Variants in SLC25A12 observed in about 807,000 individuals in gnomAD.
SLC25A12 encodes the protein solute carrier family 25 member 12, also known as electrogenic aspartate/glutamate antiporter SLC25A12, mitochondrial.
SLC25A12 carries 32 observed loss-of-function variants against 83.3 expected under a neutral mutation model. The ratio of observed to expected loss-of-function variants is 0.38; its 90% CI spans 0.29 to 0.52. The LOEUF is 0.52. Among genes scored for constraint, SLC25A12 ranks in the 20% least tolerant of loss-of-function variants. SLC25A12 has a pLI of 0.84. For synonymous variants in SLC25A12, 267 were observed against 291.1 expected (o/e 0.92, Z 0.84); for missense variants, 611 against 835.6 (o/e 0.73, Z 3.31).
At chr2:171,874,206 A>G (rs1165337002) in intron 2 of SLC25A12, among the ~76,000 whole-genome samples, 1 of 152,166 alleles carries the variant, frequency 6.6e-6, no homozygotes, top group African/African-American at 2.4e-5. Flanking sequence ...AGCCTGGGAA[A>G]CAAGAGTAAA....
At chr2:171,856,672 G>C (rs1368571532) in intron 3 of SLC25A12, 1 of 151,916 alleles carries the variant, frequency 6.6e-6, no homozygotes, top group African/African-American at 2.4e-5. Context: ...GGCAAGCACA[G>C]GGAATCTCAA....
intron 4 of SLC25A12, among the ~76,000 whole-genome samples, chr2:171,853,116 G>A (rs971216584): frequency 1.3e-5 from 2 of 152,096 alleles, no homozygotes; most frequent in South Asian, 4.1e-4. Context: ...TCAGCCTCCC[G>A]AGGAGCTGAA....
chr2:171,784,130 C>T lies in SLC25A12; in HGVS notation c.*1144G>A, dbSNP rs1001342742. 6.6e-6 allele frequency among the ~76,000 whole-genome samples: 1 copy of T among 152,130 alleles called. No homozygotes were observed. The highest frequency in any genetic ancestry group is 1.5e-5 in the Non-Finnish European group (1 of 68,018). On this transcript the variant is annotated 3_prime_UTR_variant, in exon 18 of 18. Coordinates refer to ENST00000422440, the MANE Select transcript of SLC25A12 (RefSeq NM_003705.5). ...CGCCCTTGATGAGTGACTTTTAGAACAGTTTGCATTTGGATTCCAAAGTAA... is the reference window on the plus strand; with the variant it reads ...CGCCCTTGATGAGTGACTTTTAGAATAGTTTGCATTTGGATTCCAAAGTAA...
chr2:171,873,074 T>A (rs1341572401), intron 2 of SLC25A12, among the ~76,000 whole-genome samples: 1 of 152,212 alleles, frequency 6.6e-6, no homozygotes, highest in African/African-American at 2.4e-5. Flanking sequence ...ATCTGTGCTA[T>A]CCTTGATGGC....
chr2:171,885,597 G>A (rs543069789), intron 2 of SLC25A12, among the ~76,000 whole-genome samples: 131 of 152,126 alleles, frequency 8.6e-4, no homozygotes, highest in Non-Finnish European at 1.6e-3. Flanking sequence ...GCTTGAACCC[G>A]GGAGGCGGAG....
Position 171,893,643 on chromosome 2 carries a change from A to G in SLC25A12, c.13-385T>C, listed in dbSNP as rs570414286. Among the ~76,000 whole-genome samples, 7 of 152,332 alleles carry G rather than the reference A, an allele frequency of 4.6e-5. No homozygotes were observed. The South Asian group carries it at 1.4e-3, about 32-fold the overall frequency. On this transcript the variant is annotated intron_variant, in intron 1 of 17. Coordinates refer to ENST00000422440, the MANE Select transcript of SLC25A12 (RefSeq NM_003705.5). Reference sequence around the variant, plus strand: ...ATCACCCAAATTAATCACTTGGCCTAGCAGCCTTTCTCCATAAAAAGCAAA... The same window carrying G: ...ATCACCCAAATTAATCACTTGGCCTGGCAGCCTTTCTCCATAAAAAGCAAA...
intron 13 of SLC25A12, among the ~76,000 whole-genome samples, chr2:171,797,837 T>C (rs940456684): frequency 3.9e-5 from 6 of 152,222 alleles, no homozygotes; most frequent in Non-Finnish European, 7.4e-5. Flanking sequence ...TAAATGGACA[T>C]TGCTAAATTT....
At chr2:171,819,667 G>A (rs1301860512) in intron 9 of SLC25A12, among the ~76,000 whole-genome samples, 2 of 151,120 alleles carry the variant, frequency 1.3e-5, no homozygotes, top group African/African-American at 4.9e-5. Context: ...CTTTCTTTTT[G>A]AGAACAGACT....
At chr2:171,837,419 T>G (rs959600060) in intron 5 of SLC25A12, 152 bp from the exon 6 acceptor site, 2 of 813,038 alleles carry the variant, frequency 2.5e-6, no homozygotes, top group African/African-American at 1.7e-5. Flanking sequence ...AAACTTTTAA[T>G]TTCTTTCAAA....
At chr2:171,799,933 G>A (rs1318932846) in intron 13 of SLC25A12, among the ~76,000 whole-genome samples, 1 of 152,168 alleles carries the variant, frequency 6.6e-6, no homozygotes, top group Non-Finnish European at 1.5e-5. Flanking sequence ...AAGAGGTAAT[G>A]CAGTCAGCTA....
chr2:171,790,151 G>T (rs1347667139), intron 15 of SLC25A12, among the ~76,000 whole-genome samples: 1 of 152,176 alleles, frequency 6.6e-6, no homozygotes. Context: ...TCAGGCCCAA[G>T]GGCTCCTACC....
At chr2:171,796,120 A>AT (rs34056004) in intron 13 of SLC25A12, among the ~76,000 whole-genome samples, 1 of 152,026 alleles carries the variant, frequency 6.6e-6, no homozygotes, top group Non-Finnish European at 1.5e-5. Flanking sequence ...TAATTTTTGT[A>AT]TTTTTTGTAG....
At chr2:171,856,620 C>A (rs1190861426) in intron 3 of SLC25A12, 2 of 152,324 alleles carry the variant, frequency 1.3e-5, no homozygotes, top group African/African-American at 4.8e-5. Context: ...AGGGGCCATG[C>A]TAATCTCTGT....
intron 2 of SLC25A12, among the ~76,000 whole-genome samples, chr2:171,872,161 C>T (rs1685470793): frequency 6.6e-6 from 1 of 152,034 alleles, no homozygotes; most frequent in South Asian, 2.1e-4. Context: ...AGTCCCTAGA[C>T]AAGTTTATTG....
intron 2 of SLC25A12, among the ~76,000 whole-genome samples, chr2:171,890,756 T>C (rs1484597726): frequency 6.6e-6 from 1 of 152,164 alleles, no homozygotes; most frequent in African/African-American, 2.4e-5. Flanking sequence ...GTGCTGAGAT[T>C]ACAGGTGTGA....
chr2:171,801,760 G>A (rs563682388), intron 13 of SLC25A12, among the ~76,000 whole-genome samples: 2 of 152,266 alleles, frequency 1.3e-5, no homozygotes, highest in South Asian at 2.1e-4. Context: ...GCTAACATAA[G>A]TGTTCTGAGC....
At chr2:171,795,961 G>T (rs1477969833) in intron 13 of SLC25A12, among the ~76,000 whole-genome samples, 1 of 152,112 alleles carries the variant, frequency 6.6e-6, no homozygotes, top group Admixed American at 6.5e-5. Context: ...GTGTTTGTTT[G>T]TTTGAGACAG....
intron 9 of SLC25A12, among the ~76,000 whole-genome samples, chr2:171,821,801 TTAG>T (rs1463575616): frequency 2.0e-5 from 3 of 152,212 alleles, no homozygotes; most frequent in Non-Finnish European, 2.9e-5. Flanking sequence ...TTTCACACTC[TTAG>T]TGGTATATTT....
chr2:171,835,755 A>G (rs3770448), intron 6 of SLC25A12, among the ~76,000 whole-genome samples: 32,251 of 152,134 alleles, frequency 0.21, 4,127 homozygotes, highest in East Asian at 0.58. Flanking sequence ...TCTATTACAA[A>G]TAGTGTAGGT....
Sources: gnomAD v4.1 joint callset for allele counts (sites outside exome capture counted in the v4.1 genomes callset) on GRCh38, gnomAD v4.1.1 for gene constraint, MANE v1.5 for transcripts, NCBI Gene and HGNC (gene_info 2026-07-23, HGNC 2026-07-21) for gene names.